ZNF83: variants seen among roughly 807,000 people sequenced by gnomAD.
ZNF83 encodes the protein zinc finger protein 816B.
For missense variants in ZNF83, 552 were observed against 629.9 expected, an observed-to-expected ratio of 0.88 and a Z score of 1.32; for synonymous variants, 209 against 213.0, an observed-to-expected ratio of 0.98 and a Z score of 0.17.
At chr19:52,673,477 T>C (rs2061754663) in intron 1 of ZNF83, among the ~76,000 whole-genome samples, 1 of 151,060 alleles carries the variant, frequency 6.6e-6, no homozygotes, top group African/African-American at 2.4e-5. Context: ...CACTCCAGGG[T>C]ACACAAGAAG....
upstream of ZNF83, among the ~76,000 whole-genome samples, chr19:52,642,730 T>C (rs561604001): frequency 6.6e-6 from 1 of 152,294 alleles, no homozygotes; most frequent in South Asian, 2.1e-4. Flanking sequence ...GGGTCTATCA[T>C]GAACTGGGTT....
chr19:52,625,220 C>T (rs1411018708), intron 2 of ZNF83, among the ~76,000 whole-genome samples: 1 of 152,116 alleles, frequency 6.6e-6, no homozygotes, highest in East Asian at 1.9e-4. Context: ...ATTGCCTAAA[C>T]TCAGGCCCTC....
At chr19:52,613,163 T>A in exon 3 of ZNF83, 1 of 1,613,894 alleles carries the variant, frequency 6.2e-7, no homozygotes. Flanking sequence ...CTTGAACGCA[T>A]ACTAAAAGCT....
intron 1 of ZNF83, among the ~76,000 whole-genome samples, chr19:52,688,608 T>A (rs1429302290): frequency 6.6e-6 from 1 of 152,006 alleles, no homozygotes; most frequent in Non-Finnish European, 1.5e-5. Flanking sequence ...CTCCTGCTGT[T>A]TATCCCCTTC....
chr19:52,676,367 A>G (rs528927590), intron 1 of ZNF83, among the ~76,000 whole-genome samples: 3 of 152,186 alleles, frequency 2.0e-5, no homozygotes, highest in East Asian at 3.9e-4. Context: ...TTGGCCTCCC[A>G]AAGTGCCGAG....
At chr19:52,615,108 A>C (rs2060258361) in intron 2 of ZNF83, among the ~76,000 whole-genome samples, 1 of 152,256 alleles carries the variant, frequency 6.6e-6, no homozygotes, top group Admixed American at 6.5e-5. Context: ...ATGAAGCCTG[A>C]GCATACTGCA....
intron 2 of ZNF83, among the ~76,000 whole-genome samples, chr19:52,627,911 C>T (rs2060802873): frequency 6.6e-6 from 1 of 152,124 alleles, no homozygotes; most frequent in African/African-American, 2.4e-5. Context: ...GTGAAAATGG[C>T]CTGTTCCTGC....
chr19:52,666,618 CAAAAAAA>C (rs59937542), intron 1 of ZNF83, among the ~76,000 whole-genome samples: 14 of 105,790 alleles, frequency 1.3e-4, no homozygotes, highest in South Asian at 1.0e-3. Flanking sequence ...TATCCTAAGT[CAAAAAAA>C]AAAAAAAAAA....
At chr19:52,687,586 A>ATAAT (rs1568588735) in intron 1 of ZNF83, among the ~76,000 whole-genome samples, 61 of 39,200 alleles carry the variant, frequency 1.6e-3, no homozygotes, top group African/African-American at 6.0e-3. Flanking sequence ...TTTTATATAT[A>ATAAT]TATATATATA....
Position 52,634,938 on chromosome 19 carries a change from G to T in ZNF83, c.-234+128C>A, listed in dbSNP as rs1033011144. 9.6e-5 allele frequency: 73 copies of T among 757,916 alleles called. No individual in the cohort carries two copies. In the African/African-American group the frequency reaches 1.1e-3, roughly 11 times the overall value. The allele number at this position is 757,916 out of a possible 1,614,324, so 46.9% of individuals were successfully genotyped here. A position where few individuals can be genotyped will look rare whatever the true frequency, so the allele number is the denominator to read the frequency against. Reference sequence around the variant, plus strand: ...GTGAGATGAGAGGGACTGAGGGAAGGCATGGGTGAGTGTGAGCAAACCTGT... The same window carrying T: ...GTGAGATGAGAGGGACTGAGGGAAGTCATGGGTGAGTGTGAGCAAACCTGT... On this transcript the variant is annotated intron_variant, in intron 2 of 2. Coordinates refer to ENST00000301096, the Ensembl canonical transcript of ZNF83.
At chr19:52,642,682 A>G (rs2061323878), upstream of ZNF83, among the ~76,000 whole-genome samples, 1 of 152,022 alleles carries the variant, frequency 6.6e-6, no homozygotes, top group African/African-American at 2.4e-5. Flanking sequence ...ACACACTGAT[A>G]TTTCTTTATA....
At chr19:52,648,255 G>A (rs1568562455) in intron 3 of ZNF83, among the ~76,000 whole-genome samples, 1 of 150,778 alleles carries the variant, frequency 6.6e-6, no homozygotes, top group Non-Finnish European at 1.5e-5. Flanking sequence ...CTCTGTCTCA[G>A]GTTTTCTACT....
intron 2 of ZNF83, among the ~76,000 whole-genome samples, chr19:52,620,733 G>A (rs1208995138): frequency 6.6e-6 from 1 of 152,218 alleles, no homozygotes; most frequent in Non-Finnish European, 1.5e-5. Flanking sequence ...ATGGTCTGAG[G>A]CAAGCGAAAA....
chr19:52,626,577 C>T (rs1243304918), intron 2 of ZNF83, among the ~76,000 whole-genome samples: 1 of 152,090 alleles, frequency 6.6e-6, no homozygotes, highest in Non-Finnish European at 1.5e-5. Flanking sequence ...TTATTCAGGC[C>T]CTGTGTCTTC....
chr19:52,632,568 A>C (rs556005913), intron 2 of ZNF83, among the ~76,000 whole-genome samples: 2 of 152,246 alleles, frequency 1.3e-5, no homozygotes, highest in East Asian at 3.9e-4. Flanking sequence ...GCCAGTTTAC[A>C]CTGTTTCTCC....
At chr19:52,676,374 C>G (rs56395652) in intron 1 of ZNF83, among the ~76,000 whole-genome samples, 19,775 of 152,156 alleles carry the variant, frequency 0.13, 1,386 homozygotes, top group African/African-American at 0.16. Flanking sequence ...CCCAAAGTGC[C>G]GAGATTGCAG....
chr19:52,639,024 A>G (rs952839267), upstream of ZNF83, among the ~76,000 whole-genome samples: 5 of 152,180 alleles, frequency 3.3e-5, no homozygotes, highest in Admixed American at 2.6e-4. Context: ...ATGATGTTAC[A>G]TAGGGATCCA....
chr19:52,640,198 A>G (rs1325646850), upstream of ZNF83, among the ~76,000 whole-genome samples: 1 of 152,210 alleles, frequency 6.6e-6, no homozygotes, highest in African/African-American at 2.4e-5. Context: ...CGTCAGCAGT[A>G]AATAATAAAA....
At chr19:52,660,562 G>T (rs2061566707) in intron 2 of ZNF83, among the ~76,000 whole-genome samples, 2 of 152,068 alleles carry the variant, frequency 1.3e-5, no homozygotes, top group Admixed American at 1.3e-4. Flanking sequence ...AGGTTACAGT[G>T]ATCCCAGATT....
Sources: gnomAD v4.1 joint callset for allele counts (sites outside exome capture counted in the v4.1 genomes callset) on GRCh38, gnomAD v4.1.1 for gene constraint, MANE v1.5 for transcripts, NCBI Gene and HGNC (gene_info 2026-07-23, HGNC 2026-07-21) for gene names.